DPP10: variants seen among roughly 807,000 people sequenced by gnomAD.
DPP10 encodes the protein inactive dipeptidyl peptidase 10.
A neutral mutation model predicts 120.9 loss-of-function variants in DPP10; 33 were observed. That is an observed-to-expected ratio of 0.27 (90% CI 0.21 to 0.37). The LOEUF is 0.37. DPP10 is among the 10% of genes least tolerant of loss of function. The probability of loss-of-function intolerance (pLI) is 1.00; values close to 1 mark genes in which losing one functional copy is unlikely to be tolerated. For synonymous variants in DPP10, 337 were observed against 326.1 expected (o/e 1.03, Z -0.36); for missense variants, 816 against 942.8 (o/e 0.87, Z 1.76).
At chr2:115,712,806 A>C (rs1347850787) in intron 7 of DPP10, among the ~76,000 whole-genome samples, 1 of 151,742 alleles carries the variant, frequency 6.6e-6, no homozygotes, top group East Asian at 2.0e-4. Context: ...ATACAAGCCT[A>C]CAAATGAAAA....
chr2:115,133,923 G>A (rs916066411), intron 1 of DPP10, among the ~76,000 whole-genome samples: 1 of 152,164 alleles, frequency 6.6e-6, no homozygotes, highest in East Asian at 1.9e-4. Context: ...GCCTTGCTGT[G>A]CTATTAAGGA....
chr2:114,714,686 TTC>T (rs1701243938), intron 1 of DPP10, among the ~76,000 whole-genome samples: 1 of 152,118 alleles, frequency 6.6e-6, no homozygotes. Flanking sequence ...ATTTGTAAGG[TTC>T]TCTCTGGGTT....
chr2:115,800,152 T>C (rs927224938), intron 19 of DPP10, among the ~76,000 whole-genome samples: 1 of 151,772 alleles, frequency 6.6e-6, no homozygotes, highest in African/African-American at 2.4e-5. Context: ...TGGTATCTCA[T>C]TGTGGTTTTG....
intron 19 of DPP10, among the ~76,000 whole-genome samples, chr2:115,799,124 A>G (rs1329535844): frequency 6.6e-6 from 1 of 152,004 alleles, no homozygotes; most frequent in Non-Finnish European, 1.5e-5. Context: ...TTCCTTACTT[A>G]TAAGAAAATG....
At chr2:114,650,380 A>G (rs182993922) in intron 1 of DPP10, among the ~76,000 whole-genome samples, 5 of 152,310 alleles carry the variant, frequency 3.3e-5, no homozygotes, top group Admixed American at 2.6e-4. Flanking sequence ...CTTTTATGGT[A>G]CCAAGAATGA....
rs186305217 is a variant in DPP10 at position 114,913,916 on chromosome 2, A to G, written c.61-395323A>G. Among the ~76,000 whole-genome samples, 7 of 152,354 alleles carry G rather than the reference A, an allele frequency of 4.6e-5. No individual in the cohort carries two copies. In the East Asian group the frequency reaches 9.6e-4, roughly 21 times the overall value. ...CTTCTAGAGCTGAAAAACTCACTAC[A>G]GTAATTGTACAATGCAATTGGAAGT... On this transcript the variant is annotated intron_variant, in intron 1 of 25. Coordinates refer to ENST00000410059, the MANE Select transcript of DPP10 (RefSeq NM_020868.6).
intron 3 of DPP10, among the ~76,000 whole-genome samples, chr2:115,453,538 G>C (rs572553251): frequency 9.2e-4 from 139 of 151,546 alleles, no homozygotes; most frequent in African/African-American, 3.3e-3. Context: ...GGAAATTTAT[G>C]AATATATTTC....
chr2:114,549,746 G>A (rs1358954552), intron 1 of DPP10, among the ~76,000 whole-genome samples: 2 of 151,616 alleles, frequency 1.3e-5, no homozygotes, highest in Non-Finnish European at 2.9e-5. Context: ...GAGAGGGCGA[G>A]AGGGGCATCC....
At chr2:115,688,691 A>G (rs568074825) in intron 5 of DPP10, among the ~76,000 whole-genome samples, 5 of 152,196 alleles carry the variant, frequency 3.3e-5, no homozygotes, top group South Asian at 4.1e-4. Flanking sequence ...GTATTCCACT[A>G]TTTCATCATC....
intron 1 of DPP10, among the ~76,000 whole-genome samples, chr2:114,581,245 C>G (rs540562217): frequency 8.0e-6 from 1 of 124,868 alleles, no homozygotes; most frequent in African/African-American, 3.1e-5. Context: ...AGTGCAGTGG[C>G]GCATCTTGGC....
At chr2:114,778,405 T>C (rs1388716968) in intron 1 of DPP10, among the ~76,000 whole-genome samples, 1 of 152,192 alleles carries the variant, frequency 6.6e-6, no homozygotes, top group Non-Finnish European at 1.5e-5. Context: ...CCTATAACGT[T>C]AGCCACAGTG....
intron 3 of DPP10, among the ~76,000 whole-genome samples, chr2:115,483,200 C>A (rs1486901720): frequency 1.3e-5 from 2 of 152,020 alleles, no homozygotes; most frequent in Non-Finnish European, 2.9e-5. Flanking sequence ...TGGATACATA[C>A]TCTGTGGAAG....
intron 3 of DPP10, among the ~76,000 whole-genome samples, chr2:115,367,134 G>A (rs577505633): frequency 1.4e-4 from 22 of 152,088 alleles, no homozygotes; most frequent in African/African-American, 2.9e-4. Flanking sequence ...CAGACAGACC[G>A]CCCATAATTA....
intron 1 of DPP10, chr2:114,835,672 T>C (rs1484478106): frequency 6.6e-6 from 1 of 152,196 alleles, no homozygotes; most frequent in Non-Finnish European, 1.5e-5. Context: ...TCTTGTTTCC[T>C]GGTCACTAAG....
At chr2:114,547,565 T>C (rs1351187056) in intron 1 of DPP10, among the ~76,000 whole-genome samples, 1 of 152,162 alleles carries the variant, frequency 6.6e-6, no homozygotes, top group Non-Finnish European at 1.5e-5. Flanking sequence ...CCTTAGCCAT[T>C]TGATTTTCTG....
At chr2:115,303,483 C>T (rs986056986) in intron 1 of DPP10, among the ~76,000 whole-genome samples, 2 of 151,908 alleles carry the variant, frequency 1.3e-5, no homozygotes, top group Non-Finnish European at 1.5e-5. Flanking sequence ...AAAAACTCCT[C>T]TGATTCCTTT....
chr2:115,399,609 G>A (rs1360213266), intron 3 of DPP10, among the ~76,000 whole-genome samples: 4 of 151,934 alleles, frequency 2.6e-5, no homozygotes, highest in Admixed American at 6.6e-5. Flanking sequence ...AGTTTTATGC[G>A]TTTCTTTATC....
intron 1 of DPP10, among the ~76,000 whole-genome samples, chr2:114,716,902 C>G (rs1387285237): frequency 6.6e-6 from 1 of 152,196 alleles, no homozygotes; most frequent in Non-Finnish European, 1.5e-5. Context: ...ATATTGAAGA[C>G]AGTTGCCTAC....
intron 1 of DPP10, among the ~76,000 whole-genome samples, chr2:115,280,421 AATTAT>A (rs2060111285): frequency 2.6e-5 from 4 of 152,170 alleles, no homozygotes; most frequent in Non-Finnish European, 5.9e-5. Context: ...TGCACTCCGG[AATTAT>A]AAGTCCTGAG....
Sources: gnomAD v4.1 joint callset for allele counts (sites outside exome capture counted in the v4.1 genomes callset) on GRCh38, gnomAD v4.1.1 for gene constraint, MANE v1.5 for transcripts, NCBI Gene and HGNC (gene_info 2026-07-23, HGNC 2026-07-21) for gene names.